HHAT: variants seen among roughly 807,000 people sequenced by gnomAD.
HHAT encodes the protein hedgehog acyltransferase.
HHAT carries 47 observed loss-of-function variants against 70.8 expected under a neutral mutation model. The observed-to-expected ratio is 0.66, with a 90% CI of 0.53 to 0.85. The LOEUF is 0.85. Among genes scored for constraint, HHAT ranks in the 40% least tolerant of loss-of-function variants. The pLI is 0.00. For synonymous variants in HHAT, 228 were observed against 247.6 expected, an observed-to-expected ratio of 0.92 and a Z score of 0.74; for missense variants, 609 against 604.8, an observed-to-expected ratio of 1.01 and a Z score of -0.07.
At chr1:210,336,050 G>A (rs989529916) in intron 1 of HHAT, among the ~76,000 whole-genome samples, 6 of 152,164 alleles carry the variant, frequency 3.9e-5, no homozygotes, top group Non-Finnish European at 7.3e-5. Context: ...AAACCATGGT[G>A]GTAGAAGTTA....
chr1:210,433,121 A>G (rs191364990), intron 7 of HHAT, among the ~76,000 whole-genome samples: 1 of 151,766 alleles, frequency 6.6e-6, no homozygotes, highest in Admixed American at 6.5e-5. Flanking sequence ...AAATCTCAGG[A>G]CTGGGTAACA....
chr1:210,528,789 G>A (rs1347477632), intron 9 of HHAT, among the ~76,000 whole-genome samples: 5 of 152,064 alleles, frequency 3.3e-5, no homozygotes, highest in Non-Finnish European at 5.9e-5. Context: ...AAATGTGATA[G>A]TACCATCAGG....
chr1:210,582,337 C>T (rs562225158), intron 9 of HHAT, among the ~76,000 whole-genome samples: 59 of 152,258 alleles, frequency 3.9e-4, no homozygotes, highest in Admixed American at 8.5e-4. Flanking sequence ...TGCCCCAGCC[C>T]GGCCGAGGAA....
At chr1:210,373,098 G>C (rs3765873) in intron 3 of HHAT, among the ~76,000 whole-genome samples, 123,568 of 152,164 alleles carry the variant, frequency 0.81, 50,909 homozygotes, top group African/African-American at 0.95. Context: ...CTCACTCTTT[G>C]TGGACTCCTC....
chr1:210,535,578 A>G (rs995882837), intron 9 of HHAT, among the ~76,000 whole-genome samples: 7 of 151,990 alleles, frequency 4.6e-5, no homozygotes, highest in Admixed American at 3.9e-4. Context: ...TTGGTGTGCA[A>G]ACAGCTCTGT....
intron 9 of HHAT, among the ~76,000 whole-genome samples, chr1:210,564,746 C>T (rs1032713662): frequency 2.0e-5 from 3 of 150,540 alleles, no homozygotes; most frequent in African/African-American, 4.9e-5. Flanking sequence ...GAGAGAGACA[C>T]AGATGTAGCC....
rs1404115197 is a variant in HHAT at position 210,479,214 on chromosome 1, CTTG to C, written c.1007+14564_1007+14566del. Among the ~76,000 whole-genome samples the C allele has an allele frequency of 3.9e-5, 6 of 152,306 alleles. No homozygotes were observed. The East Asian group carries it at 1.2e-3, about 29-fold the overall frequency. Reference sequence around the variant, plus strand: ...ATACTTCGCTTACAGACTATTTAGACTTGTTGTAGAGCCTCTCAGAATGAATTG... The same window carrying C: ...ATACTTCGCTTACAGACTATTTAGACTTGTAGAGCCTCTCAGAATGAATTG... On this transcript the variant is annotated intron_variant, in intron 8 of 11. Coordinates refer to ENST00000261458, the MANE Select transcript of HHAT (RefSeq NM_018194.6).
chr1:210,613,029 A>G (rs1348335166), intron 10 of HHAT, among the ~76,000 whole-genome samples: 1 of 152,172 alleles, frequency 6.6e-6, no homozygotes, highest in African/African-American at 2.4e-5. Flanking sequence ...TCTTATCAAT[A>G]TGTGATTGCA....
intron 10 of HHAT, among the ~76,000 whole-genome samples, chr1:210,604,742 G>A (rs1241459315): frequency 6.6e-6 from 1 of 152,166 alleles, no homozygotes; most frequent in East Asian, 1.9e-4. Context: ...AAAGTTGGAT[G>A]TAGTGGCTCA....
rs1219184197 is a variant in HHAT at position 210,377,842 on chromosome 1, T to C, written c.160-9626T>C. Among the ~76,000 whole-genome samples, 7 of 152,342 alleles carry C rather than the reference T, an allele frequency of 4.6e-5. No individual in the cohort carries two copies. In the East Asian group the frequency reaches 1.4e-3, roughly 29 times the overall value. ...GTACACAGTAGAACAGGGCAGCCTG[T>C]GCCTGTCCTGTTGGCAGCATCCCTG... On this transcript the variant is annotated intron_variant, in intron 3 of 11. Coordinates refer to ENST00000261458, the MANE Select transcript of HHAT (RefSeq NM_018194.6).
chr1:210,450,607 C>CCT (rs557346006), intron 7 of HHAT, among the ~76,000 whole-genome samples: 1 of 140,894 alleles, frequency 7.1e-6, no homozygotes, highest in Non-Finnish European at 1.5e-5. Flanking sequence ...CATTGTAAAT[C>CCT]TTTTTTTTTT....
chr1:210,418,070 T>C (rs2092777262), intron 6 of HHAT, 84 bp from the exon 7 acceptor site: 3 of 1,294,858 alleles, frequency 2.3e-6, no homozygotes, highest in Non-Finnish European at 3.3e-6. Context: ...ATAATATTTG[T>C]GGGAAGTTTA....
At chr1:210,546,799 A>G (rs1485690405) in intron 9 of HHAT, among the ~76,000 whole-genome samples, 1 of 152,120 alleles carries the variant, frequency 6.6e-6, no homozygotes, top group Non-Finnish European at 1.5e-5. Flanking sequence ...GAAAGTGGGA[A>G]TGGGGAGGTT....
chr1:210,327,714 C>G (rs1005677752), upstream of HHAT, among the ~76,000 whole-genome samples: 1 of 152,188 alleles, frequency 6.6e-6, no homozygotes, highest in Non-Finnish European at 1.5e-5. Flanking sequence ...CCATGTTGGC[C>G]AGGCTGGTCT....
intron 11 of HHAT, among the ~76,000 whole-genome samples, chr1:210,637,317 TAAAAG>T (rs567479791): frequency 1.3e-4 from 20 of 152,264 alleles, no homozygotes; most frequent in African/African-American, 2.9e-4. Context: ...ATAAAACTCT[TAAAAG>T]AAGATAAATC....
chr1:210,478,995 T>C (rs1015286736), intron 8 of HHAT, among the ~76,000 whole-genome samples: 2 of 146,138 alleles, frequency 1.4e-5, no homozygotes, highest in Non-Finnish European at 3.0e-5. Context: ...GTGTGATCTC[T>C]TGGCTGTTGT....
At chr1:210,359,792 A>G (rs1571865620) in intron 2 of HHAT, among the ~76,000 whole-genome samples, 1 of 152,068 alleles carries the variant, frequency 6.6e-6, no homozygotes, top group African/African-American at 2.4e-5. Flanking sequence ...ACTTGCACCC[A>G]GGAGGTGGAG....
chr1:210,483,178 C>T (rs1367364530), intron 8 of HHAT, among the ~76,000 whole-genome samples: 2 of 152,120 alleles, frequency 1.3e-5, no homozygotes, highest in Non-Finnish European at 2.9e-5. Context: ...TTCTACTATT[C>T]TTTTGGCACA....
At chr1:210,652,973 A>G (rs1675494427) in intron 11 of HHAT, among the ~76,000 whole-genome samples, 1 of 152,208 alleles carries the variant, frequency 6.6e-6, no homozygotes, top group African/African-American at 2.4e-5. Context: ...TCCAGACATA[A>G]TTTCACACAT....
Sources: allele counts gnomAD v4.1 joint callset (sites outside exome capture counted in the v4.1 genomes callset), GRCh38; gene constraint gnomAD v4.1.1; transcripts MANE v1.5; gene names NCBI Gene and HGNC (gene_info 2026-07-23, HGNC 2026-07-21).